Variants in WWP1 observed in about 807,000 individuals in gnomAD.
WWP1 encodes the protein NEDD4-like E3 ubiquitin-protein ligase WWP1.
WWP1 carries 49 observed loss-of-function variants against 130.6 expected under a neutral mutation model. That is an observed-to-expected ratio of 0.38 (90% CI 0.30 to 0.48). The LOEUF (loss-of-function observed/expected upper bound fraction) is 0.48. WWP1 is among the 20% of genes least tolerant of loss of function. The pLI is 0.99. For missense variants in WWP1, 809 were observed against 1,100.6 expected (o/e 0.74, Z 3.75); for synonymous variants, 332 against 367.8 (o/e 0.90, Z 1.11).
At chr8:86,430,815 AT>A (rs1397930664) in intron 12 of WWP1, 64 bp downstream of exon 12, 1 of 554,390 alleles carries the variant, frequency 1.8e-6, no homozygotes, top group Non-Finnish European at 2.5e-6. Flanking sequence ...ATATATATAT[AT>A]ATATATATAT....
At chr8:86,453,589 A>G (rs758156424) in intron 21 of WWP1, among the ~76,000 whole-genome samples, 1 of 152,042 alleles carries the variant, frequency 6.6e-6, no homozygotes, top group Admixed American at 6.6e-5. Context: ...GTAATCCTCT[A>G]TTTAATTTTT....
chr8:86,404,430 T>C (rs1439639929), intron 8 of WWP1, among the ~76,000 whole-genome samples: 1 of 152,244 alleles, frequency 6.6e-6, no homozygotes, highest in Admixed American at 6.5e-5. Flanking sequence ...TTCCTCATCA[T>C]AGAATCTTAT....
At chr8:86,380,628 A>T in intron 3 of WWP1, 98 bp from the exon 4 acceptor site, 1 of 1,287,426 alleles carries the variant, frequency 7.8e-7, no homozygotes, top group Non-Finnish European at 1.0e-6. Flanking sequence ...GAAGAGTTCT[A>T]GTTGCACAAG....
At chr8:86,413,844 T>C (rs1015853958) in intron 9 of WWP1, among the ~76,000 whole-genome samples, 1 of 152,026 alleles carries the variant, frequency 6.6e-6, no homozygotes, top group African/African-American at 2.4e-5. Flanking sequence ...AGCAGGGGAG[T>C]GGCATAATCC....
At chr8:86,381,163 C>A (rs1411627424) in intron 4 of WWP1, among the ~76,000 whole-genome samples, 1 of 151,970 alleles carries the variant, frequency 6.6e-6, no homozygotes, top group East Asian at 1.9e-4. Flanking sequence ...ATAATAATGG[C>A]ATAAATTTGT....
chr8:86,408,935 G>A (rs1808427538), intron 8 of WWP1, among the ~76,000 whole-genome samples: 1 of 151,820 alleles, frequency 6.6e-6, no homozygotes, highest in Admixed American at 6.6e-5. Flanking sequence ...TTTTTTCTTC[G>A]GATAGGTCTT....
At chr8:86,369,971 A>T (rs1824193230) in intron 2 of WWP1, among the ~76,000 whole-genome samples, 1 of 152,204 alleles carries the variant, frequency 6.6e-6, no homozygotes, top group African/African-American at 2.4e-5. Flanking sequence ...TCAATAATAA[A>T]AAACATTTGG....
Position 86,431,412 on chromosome 8 carries a change from G to T in WWP1, c.1394G>T (p.Arg465Ile), listed in dbSNP as rs76053304. The change falls in exon 13 of 25, where the codon AGA becomes ATA. Residue 465 changes from arginine (R) to isoleucine (I), a missense_variant. Transcript: ENST00000517970. The part of the protein sequence containing the change: ...YGPLPPGWEK[R>I]VDSTDRVYFV... ...TACTCACTTTATATTTCAGAAAAAA[G>T]AGTGGATTCAACAGACAGGGTTTAC... The T allele has an allele frequency of 6.3e-7, 1 of 1,589,452 alleles. No homozygotes were observed.
rs1812214315 is a variant in WWP1 at position 86,467,063 on chromosome 8, CTTTA to C, written c.*177_*180del. On this transcript the variant is annotated 3_prime_UTR_variant, in exon 25 of 25. Transcript: ENST00000517970. The stretch of plus-strand genomic sequence containing the variant: ...ATGCAAAACAGTTCATCCTTTTCTA[CTTTA>C]TTTATTGTTCCCTTGAAATGACTGA... The C allele has an allele frequency of 2.3e-5, 12 of 528,808 alleles. No homozygotes were observed. Among genetic ancestry groups the C allele is most frequent in the South Asian group, 1.3e-4 (5 of 39,060 alleles). The allele number at this position is 528,808 out of a possible 1,614,324, so 32.8% of individuals were successfully genotyped here.
At chr8:86,433,117 C>G (rs1227590064) in intron 14 of WWP1, among the ~76,000 whole-genome samples, 1 of 152,016 alleles carries the variant, frequency 6.6e-6, no homozygotes, top group East Asian at 1.9e-4. Flanking sequence ...TGACACAATA[C>G]ATTTCTCTCT....
At position 86,362,165 on chromosome 8, in the gene WWP1, T is replaced by C. The variant is rs1215189440; in HGVS notation, c.-114-6774T>C. ...ACTAGGCATATATATATACAAGGCATATATATATATATATATATATATATA... is the reference window on the plus strand; with the variant it reads ...ACTAGGCATATATATATACAAGGCACATATATATATATATATATATATATA... On this transcript the variant is annotated intron_variant, in intron 1 of 24. Transcript: ENST00000517970. Among the ~76,000 whole-genome samples the C allele has an allele frequency of 3.0e-3, 96 of 32,010 alleles. 1 individual carries two copies. The highest frequency in any genetic ancestry group is 6.2e-3 in the African/African-American group (90 of 14,450). The allele number at this position is 32,010 out of a possible 152,430, so 21.0% of individuals were successfully genotyped here. A position where few individuals can be genotyped will look rare whatever the true frequency, so the allele number is the denominator to read the frequency against.
Position 86,371,936 on chromosome 8 carries a change from G to A in WWP1, c.-21-2094G>A, listed in dbSNP as rs1824318025. On this transcript the variant is annotated intron_variant, in intron 2 of 24. Coordinates refer to ENST00000517970, the MANE Select transcript of WWP1 (RefSeq NM_007013.4). ...AGCTCACTGCAGCCTCCACCTCCCA[G>A]ATTCAAGCAATTCTCCCTCCCTCAG... Among the ~76,000 whole-genome samples the A allele has an allele frequency of 1.3e-5, 2 of 150,830 alleles. 1 individual carries two copies. Among genetic ancestry groups the A allele is most frequent in the South Asian group, 4.2e-4 (2 of 4,794 alleles).
In WWP1 at chr8:86,381,634, GT is replaced by G; in HGVS notation, c.334+11del. On this transcript the variant is annotated splice_donor_region_variant and intron_variant, in intron 5 of 24. Transcript: ENST00000517970. The stretch of plus-strand genomic sequence containing the variant: ...TGTTGATACACAATAGAAAATGTAA[GT>G]TTTTTGTTCTGACCTTTATTTCCTT... 6.3e-7 allele frequency: 1 copy of G among 1,575,870 alleles called. No individual in the cohort carries two copies. The highest frequency in any genetic ancestry group is 8.6e-7 in the Non-Finnish European group (1 of 1,168,082).
intron 11 of WWP1, 122 bp from the exon 12 acceptor site, chr8:86,430,575 C>A (rs1809882543): frequency 1.4e-6 from 1 of 702,036 alleles, no homozygotes; most frequent in Non-Finnish European, 2.1e-6. Context: ...CTGCGCCCAA[C>A]CCCTTATCAT....
chr8:86,440,392 A>G (rs1810526739), intron 17 of WWP1, among the ~76,000 whole-genome samples: 1 of 152,224 alleles, frequency 6.6e-6, no homozygotes, highest in African/African-American at 2.4e-5. Flanking sequence ...TCTTTGCATA[A>G]TGTTCTCTGT....
rs1554549748 is a variant in WWP1, at chr8:86,342,685, T to C, written c.-360T>C. 1 of 210,136 alleles carries C rather than the reference T, an allele frequency of 4.8e-6. No individual in the cohort carries two copies. The highest frequency in any genetic ancestry group is 7.9e-6 in the Non-Finnish European group (1 of 127,356). 13.0% of individuals were successfully genotyped at this position (210,136 alleles called of 1,614,324 possible). A position where few individuals can be genotyped will look rare whatever the true frequency, so the allele number is the denominator to read the frequency against. ...GCTCCCGAGGAAGGGAGGTGTGGGG[T>C]CGGCTGGGGGTGGCGCGTGGACGGG... On this transcript the variant is annotated 5_prime_UTR_variant, in exon 1 of 25. Transcript: ENST00000517970.
intron 1 of WWP1, among the ~76,000 whole-genome samples, chr8:86,351,409 G>A (rs1822907102): frequency 1.3e-5 from 2 of 152,072 alleles, no homozygotes; most frequent in Admixed American, 6.5e-5. Flanking sequence ...TGTGATCATG[G>A]TTCATAGCAG....
At chr8:86,427,902 A>G (rs1809723182) in intron 11 of WWP1, 85 bp downstream of exon 11, 4 of 1,341,172 alleles carry the variant, frequency 3.0e-6, no homozygotes, top group Non-Finnish European at 4.0e-6. Flanking sequence ...CTTGACCATA[A>G]TCACATATCT....
rs35467457 is a variant in WWP1, at chr8:86,362,063, C to CATAT, written c.-114-6870_-114-6867dup. 1.1e-4 allele frequency among the ~76,000 whole-genome samples: 14 copies of CATAT among 131,946 alleles called. No homozygotes were observed. The South Asian group carries it at 1.7e-3, about 16-fold the overall frequency. 86.6% of individuals were successfully genotyped at this position (131,946 alleles called of 152,430 possible). ...ATATATATACACACATATATACACA[C>CATAT]ATATATATACACATATATACACACA... On this transcript the variant is annotated intron_variant, in intron 1 of 24. Transcript: ENST00000517970.
Sources: allele counts gnomAD v4.1 joint callset (sites outside exome capture counted in the v4.1 genomes callset), GRCh38; gene constraint gnomAD v4.1.1; transcripts MANE v1.5; gene names NCBI Gene and HGNC (gene_info 2026-07-23, HGNC 2026-07-21).